AKAP7: variants seen among roughly 807,000 people sequenced by gnomAD.
AKAP7 encodes the protein A-kinase anchoring protein 7.
A neutral mutation model predicts 39.5 loss-of-function variants in AKAP7; 39 were observed. The observed-to-expected ratio is 0.99, with a 90% CI of 0.76 to 1.29. The LOEUF (loss-of-function observed/expected upper bound fraction) is 1.29. AKAP7 is among the 50% of genes most tolerant of loss of function. AKAP7 has a pLI of 0.00. For missense variants in AKAP7, 414 were observed against 407.7 expected, an observed-to-expected ratio of 1.02 and a Z score of -0.13; for synonymous variants, 140 against 139.1, an observed-to-expected ratio of 1.01 and a Z score of -0.05.
At chr6:131,201,769 A>G (rs951694104) in intron 6 of AKAP7, among the ~76,000 whole-genome samples, 1 of 152,090 alleles carries the variant, frequency 6.6e-6, no homozygotes, top group African/African-American at 2.4e-5. Context: ...TAATTTTTGT[A>G]TAAGGTGTAA....
At chr6:131,243,002 C>G (rs1403468266) in intron 7 of AKAP7, among the ~76,000 whole-genome samples, 1 of 151,726 alleles carries the variant, frequency 6.6e-6, no homozygotes, top group Non-Finnish European at 1.5e-5. Context: ...AAGAGACTAC[C>G]ATTTTTTAGC....
rs1193262900 is a variant in AKAP7, at chr6:131,234,299, CAG to C, written c.850+14494_850+14495del. 2.0e-5 allele frequency among the ~76,000 whole-genome samples: 3 copies of C among 152,140 alleles called. No individual in the cohort carries two copies. In the East Asian group the frequency reaches 5.8e-4, roughly 29 times the overall value. ...TGGTAGGCAAACACAGCCGTGCTCTCAGAGTTTACTTTGTAGTGGGAAGTCAT... is the reference window on the plus strand; with the variant it reads ...TGGTAGGCAAACACAGCCGTGCTCTCAGTTTACTTTGTAGTGGGAAGTCAT... On this transcript the variant is annotated intron_variant, in intron 7 of 7. Transcript: ENST00000431975.
At chr6:131,187,503 C>T (rs936023944) in intron 5 of AKAP7, among the ~76,000 whole-genome samples, 7 of 151,994 alleles carry the variant, frequency 4.6e-5, no homozygotes, top group African/African-American at 1.7e-4. Context: ...AAAATAAAGG[C>T]CTTTTTTCTC....
In AKAP7 at chr6:131,160,046, T is replaced by C. The variant is rs1490513356; in HGVS notation, c.152-13T>C. On this transcript the variant is annotated splice_polypyrimidine_tract_variant and intron_variant, in intron 2 of 7. Transcript: ENST00000431975. ...AAATGTATTAGACGTATTGTTTGAC[T>C]TTTTTCCTCTAGTCACTGATGAACC... The C allele has an allele frequency of 1.3e-6, 2 of 1,569,644 alleles. No individual in the cohort carries two copies. The highest frequency in any genetic ancestry group is 2.2e-5 in the Admixed American group (1 of 46,470).
At chr6:131,146,293 C>T (rs538761010) in intron 2 of AKAP7, among the ~76,000 whole-genome samples, 123 of 152,260 alleles carry the variant, frequency 8.1e-4, no homozygotes, top group Middle Eastern at 3.4e-3. Flanking sequence ...TGAAATACTG[C>T]TGGAATTACA....
chr6:131,276,492 C>G (rs1461754081), intron 7 of AKAP7, among the ~76,000 whole-genome samples: 1 of 151,870 alleles, frequency 6.6e-6, no homozygotes, highest in Non-Finnish European at 1.5e-5. Flanking sequence ...TTGTGAATAG[C>G]CTACAGATCT....
At chr6:131,190,666 A>G (rs944066640) in intron 5 of AKAP7, among the ~76,000 whole-genome samples, 6 of 152,020 alleles carry the variant, frequency 3.9e-5, no homozygotes, top group African/African-American at 1.2e-4. Flanking sequence ...AAGGAAAAAA[A>G]GAGAAAAATG....
Position 131,203,854 on chromosome 6 carries a change from C to T in AKAP7, c.702+4281C>T, listed in dbSNP as rs78655876. ...TGTTTCTTTGGTACCACAAACAATG[C>T]TGTTATGAACTTCCTTGTTCACTTT... is the stretch of plus-strand genomic sequence containing the variant. On this transcript the variant is annotated intron_variant, in intron 6 of 7. Coordinates refer to ENST00000431975, the MANE Select transcript of AKAP7 (RefSeq NM_016377.4). 9.9e-4 allele frequency among the ~76,000 whole-genome samples: 150 copies of T among 152,236 alleles called. No individual in the cohort carries two copies. In the East Asian group the frequency reaches 0.026, roughly 26 times the overall value.
chr6:131,199,908 C>T (rs1807369731), intron 6 of AKAP7: 2 of 273,790 alleles, frequency 7.3e-6, no homozygotes, highest in Middle Eastern at 1.2e-3. Context: ...TGGTTATTTG[C>T]ATCCTGTTGC....
intron 2 of AKAP7, among the ~76,000 whole-genome samples, chr6:131,148,471 TCC>T (rs5880050): frequency 0.11 from 15,980 of 151,128 alleles, 972 homozygotes; most frequent in Middle Eastern, 0.2. Context: ...GGATAAAAAT[TCC>T]CCCCCCCGTT....
intron 7 of AKAP7, among the ~76,000 whole-genome samples, chr6:131,255,314 T>C (rs1812755236): frequency 6.6e-6 from 1 of 152,128 alleles, no homozygotes; most frequent in African/African-American, 2.4e-5. Context: ...TTCTTGTGAG[T>C]GTGAGAGAGC....
intron 7 of AKAP7, among the ~76,000 whole-genome samples, chr6:131,262,854 A>C (rs1813465283): frequency 6.6e-6 from 1 of 152,208 alleles, no homozygotes; most frequent in African/African-American, 2.4e-5. Flanking sequence ...TATTAATGAT[A>C]TCCACTGTCA....
intron 7 of AKAP7, among the ~76,000 whole-genome samples, chr6:131,262,338 C>A (rs1329981410): frequency 6.6e-6 from 1 of 152,052 alleles, no homozygotes; most frequent in African/African-American, 2.4e-5. Context: ...GAGTTGAGTC[C>A]CAGCTCTGTT....
intron 2 of AKAP7, among the ~76,000 whole-genome samples, chr6:131,152,738 A>G (rs12208143): frequency 0.2 from 30,915 of 150,896 alleles, 3,788 homozygotes; most frequent in Non-Finnish European, 0.27. Context: ...GAAACATGAG[A>G]ATCGCTTGAA....
intron 5 of AKAP7, among the ~76,000 whole-genome samples, chr6:131,177,199 T>C (rs1043311256): frequency 2.0e-5 from 3 of 152,196 alleles, no homozygotes; most frequent in Non-Finnish European, 4.4e-5. Flanking sequence ...ACCTATGAGG[T>C]ATGGGCTGTC....
chr6:131,188,383 C>T (rs1287439942), intron 5 of AKAP7, among the ~76,000 whole-genome samples: 2 of 151,916 alleles, frequency 1.3e-5, no homozygotes, highest in Non-Finnish European at 2.9e-5. Flanking sequence ...TTTCAGGTGA[C>T]GAAAAGTGAT....
Position 131,282,784 on chromosome 6 carries a change from A to G in AKAP7, c.*1058A>G. ...ATTCTGCCCAATTATTTTTTGAGCT[A>G]CACTTGTGTTTTAGAATATCTGTTT... On this transcript the variant is annotated 3_prime_UTR_variant, in exon 8 of 8. Coordinates refer to ENST00000431975, the MANE Select transcript of AKAP7 (RefSeq NM_016377.4). The G allele has an allele frequency of 2.0e-6, 1 of 509,520 alleles. No individual in the cohort carries two copies. The allele number at this position is 509,520 out of a possible 1,614,324, so 31.6% of individuals were successfully genotyped here. A position where few individuals can be genotyped will look rare whatever the true frequency, so the allele number is the denominator to read the frequency against.
chr6:131,153,719 A>G (rs1480473273), intron 2 of AKAP7, among the ~76,000 whole-genome samples: 1 of 152,176 alleles, frequency 6.6e-6, no homozygotes, highest in East Asian at 1.9e-4. Context: ...TATTGTTCAT[A>G]TTGGAGTGTG....
In AKAP7 at chr6:131,282,250, TTA is replaced by T. The variant is rs1480020857; in HGVS notation, c.*526_*527del. On this transcript the variant is annotated 3_prime_UTR_variant, in exon 8 of 8. Coordinates refer to ENST00000431975, the MANE Select transcript of AKAP7 (RefSeq NM_016377.4). ...CAGTGTGATCTTTATTTATAGTAAA[TTA>T]TGTTTCATGTAAATGATATATTTTT... 7.4e-7 allele frequency: 1 copy of T among 1,355,580 alleles called. No individual in the cohort carries two copies. The highest frequency in any genetic ancestry group is 9.4e-7 in the Non-Finnish European group (1 of 1,059,960). 84.0% of individuals were successfully genotyped at this position (1,355,580 alleles called of 1,614,324 possible). A position where few individuals can be genotyped will look rare whatever the true frequency, so the allele number is the denominator to read the frequency against.
Sources: allele counts gnomAD v4.1 joint callset (sites outside exome capture counted in the v4.1 genomes callset), GRCh38; gene constraint gnomAD v4.1.1; transcripts MANE v1.5; gene names NCBI Gene and HGNC (gene_info 2026-07-23, HGNC 2026-07-21).